Variants in MRPL42 observed in about 807,000 individuals in gnomAD.
MRPL42 encodes mitochondrial ribosomal protein L42, also known as large ribosomal subunit protein mL42.
A neutral mutation model predicts 17.9 loss-of-function variants in MRPL42; 17 were observed. The observed-to-expected ratio is 0.95, with a 90% CI of 0.65 to 1.42. MRPL42 has a LOEUF of 1.42. Ranked by LOEUF, MRPL42 falls within the 40% of genes most tolerant of loss-of-function variation. The pLI is 0.00. For synonymous variants in MRPL42, 59 were observed against 54.4 expected (o/e 1.08, Z -0.37); for missense variants, 177 against 175.2 (o/e 1.01, Z -0.06).
chr12:93,473,415 C>A (rs1880001852), intron 2 of MRPL42, among the ~76,000 whole-genome samples: 1 of 151,586 alleles, frequency 6.6e-6, no homozygotes, highest in African/African-American at 2.4e-5. Flanking sequence ...ATGTGTACTA[C>A]CATGTCTGGT....
intron 5 of MRPL42, chr12:93,488,523 A>C: frequency 2.8e-6 from 1 of 363,280 alleles, no homozygotes; most frequent in Non-Finnish European, 4.9e-6. Flanking sequence ...ACATTCTATG[A>C]TGTATTCATT....
intron 5 of MRPL42, 51 bp from the exon 6 acceptor site, chr12:93,501,125 G>C: frequency 7.3e-7 from 1 of 1,378,102 alleles, no homozygotes; most frequent in East Asian, 2.7e-5. Flanking sequence ...TTTTTATCAG[G>C]AATAATTTTT....
chr12:93,482,744 C>T (rs1880519322), intron 4 of MRPL42, among the ~76,000 whole-genome samples: 1 of 152,076 alleles, frequency 6.6e-6, no homozygotes, highest in Non-Finnish European at 1.5e-5. Flanking sequence ...CACCACCATG[C>T]CCAGCTAATT....
chr12:93,492,115 A>G (rs145911877), intron 5 of MRPL42, among the ~76,000 whole-genome samples: 12 of 152,226 alleles, frequency 7.9e-5, no homozygotes, highest in South Asian at 4.2e-4. Context: ...AACAGTTTCT[A>G]TTCCTTTGGG....
rs1208153048 is a variant in MRPL42, at chr12:93,515,421, T to A, written c.*14200T>A. ...ACTTGCTGTGTTGCCCAGGCTGGAG[T>A]GCAGTGGGGTGATCTCGGCTCACTG... is the stretch of plus-strand genomic sequence containing the variant. On this transcript the variant is annotated 3_prime_UTR_variant, in exon 6 of 6. Transcript: ENST00000549982. The A allele has an allele frequency of 2.0e-5, 3 of 148,868 alleles. No homozygotes were observed. Among genetic ancestry groups the A allele is most frequent in the Non-Finnish European group, 3.0e-5 (2 of 67,630 alleles). The allele number at this position is 148,868 out of a possible 1,614,324, so 9.2% of individuals were successfully genotyped here. A position where few individuals can be genotyped will look rare whatever the true frequency, so the allele number is the denominator to read the frequency against.
chr12:93,493,826 T>G (rs1297856083), intron 5 of MRPL42, among the ~76,000 whole-genome samples: 54 of 1,318 alleles, frequency 0.041, no homozygotes, highest in Non-Finnish European at 0.057. Context: ...CTAATGATTC[T>G]GTAGTACACA....
In MRPL42 at chr12:93,469,488, A is replaced by G. The variant is rs942841292; in HGVS notation, c.70+133A>G. On this transcript the variant is annotated intron_variant, in intron 2 of 5. Coordinates refer to ENST00000549982, the MANE Select transcript of MRPL42 (RefSeq NM_014050.4). ...AGCAATGGAAAGTGGGAGAAAACCT[A>G]AATGTCAGTCAGAAGGGGAATGGAT... 1.9e-5 allele frequency: 12 copies of G among 643,682 alleles called. No homozygotes were observed. The African/African-American group carries it at 2.0e-4, about 11-fold the overall frequency. 39.9% of individuals were successfully genotyped at this position (643,682 alleles called of 1,614,324 possible).
chr12:93,477,650 G>A (rs532514186), intron 3 of MRPL42, among the ~76,000 whole-genome samples: 1 of 152,116 alleles, frequency 6.6e-6, no homozygotes, highest in Non-Finnish European at 1.5e-5. Flanking sequence ...AGGCTGGAGA[G>A]CAGTGGTGTG....
chr12:93,467,524 G>T lies in MRPL42; in HGVS notation c.-125G>T, dbSNP rs1356537857. On this transcript the variant is annotated 5_prime_UTR_variant, in exon 1 of 6. Coordinates refer to ENST00000549982, the MANE Select transcript of MRPL42 (RefSeq NM_014050.4). ...TTTCGTGGGACCAGGATTGAAACAA[G>T]ATGGCGGGTTCGTGGTGAGAAGCCG... The T allele has an allele frequency of 1.3e-5, 2 of 152,742 alleles. No individual in the cohort carries two copies. The highest frequency in any genetic ancestry group is 2.9e-5 in the Non-Finnish European group (2 of 68,088). 9.5% of individuals were successfully genotyped at this position (152,742 alleles called of 1,614,324 possible). A position where few individuals can be genotyped will look rare whatever the true frequency, so the allele number is the denominator to read the frequency against.
chr12:93,472,539 T>C (rs752464058), intron 2 of MRPL42, among the ~76,000 whole-genome samples: 1 of 152,038 alleles, frequency 6.6e-6, no homozygotes, highest in Non-Finnish European at 1.5e-5. Flanking sequence ...GATTGTGCCA[T>C]TGTACTCCAG....
chr12:93,482,657 A>AG (rs1880515401), intron 4 of MRPL42, among the ~76,000 whole-genome samples: 1 of 152,130 alleles, frequency 6.6e-6, no homozygotes, highest in Non-Finnish European at 1.5e-5. Flanking sequence ...ACATGTTACT[A>AG]TTAGTAGAAT....
intron 2 of MRPL42, 91 bp from the exon 3 acceptor site, chr12:93,476,863 T>C: frequency 8.5e-7 from 1 of 1,173,896 alleles, no homozygotes; most frequent in South Asian, 1.2e-5. Context: ...TAAACAGTAA[T>C]GTTGGTTGAA....
intron 2 of MRPL42, among the ~76,000 whole-genome samples, chr12:93,474,742 T>G (rs1334326985): frequency 6.6e-6 from 1 of 152,180 alleles, no homozygotes; most frequent in East Asian, 1.9e-4. Flanking sequence ...TAAACTTCTT[T>G]TAATATTAAC....
rs989011143 is a variant in MRPL42, at chr12:93,477,004, G to T, written c.121G>T (p.Asp41Tyr). ...CHKSTYSPLPDDYNCNVELAL... is the reference protein window; with the variant it reads ...CHKSTYSPLPYDYNCNVELAL... ...TAAATCTACGTATTCTCCTCTACCA[G>T]ATGACTATAATTGGTATGTATTAAA... The change falls in exon 3 of 6, where the codon GAT becomes TAT. Residue 41 changes from aspartate (D) to tyrosine (Y), a missense_variant. By Grantham distance (160) the Asp-to-Tyr change is radical (BLOSUM62 -3). Coordinates refer to ENST00000549982, the MANE Select transcript of MRPL42 (RefSeq NM_014050.4). The T allele has an allele frequency of 3.8e-6, 6 of 1,596,338 alleles. No individual in the cohort carries two copies. The African/African-American group carries it at 8.1e-5, about 21-fold the overall frequency.
intron 2 of MRPL42, among the ~76,000 whole-genome samples, chr12:93,476,077 A>ATTTT (rs1282909485): frequency 6.6e-6 from 1 of 152,198 alleles, no homozygotes; most frequent in Non-Finnish European, 1.5e-5. Context: ...TTTAAAATGT[A>ATTTT]AGCATTTTGA....
chr12:93,474,481 C>T (rs981553435), intron 2 of MRPL42, among the ~76,000 whole-genome samples: 8 of 152,076 alleles, frequency 5.3e-5, no homozygotes, highest in African/African-American at 1.9e-4. Context: ...GTTGCCCAGG[C>T]TAGAATTCAG....
intron 4 of MRPL42, among the ~76,000 whole-genome samples, chr12:93,479,899 G>C (rs1437985205): frequency 2.1e-5 from 3 of 146,074 alleles, no homozygotes; most frequent in Non-Finnish European, 4.5e-5. Flanking sequence ...AACATTTGGT[G>C]AATTTCTTTA....
chr12:93,485,929 C>T (rs1320807107), intron 4 of MRPL42, among the ~76,000 whole-genome samples: 1 of 152,110 alleles, frequency 6.6e-6, no homozygotes, highest in Non-Finnish European at 1.5e-5. Flanking sequence ...GCCTCAGACC[C>T]CAAGTAGCTG....
intron 3 of MRPL42, 87 bp downstream of exon 3, chr12:93,477,104 CT>C: frequency 2.1e-6 from 2 of 951,350 alleles, no homozygotes; most frequent in Non-Finnish European, 3.1e-6. Flanking sequence ...ATGTCTGATG[CT>C]TTCTTTTCTC....
Sources: gnomAD v4.1 joint callset for allele counts (sites outside exome capture counted in the v4.1 genomes callset) on GRCh38, gnomAD v4.1.1 for gene constraint, MANE v1.5 for transcripts, NCBI Gene and HGNC (gene_info 2026-07-23, HGNC 2026-07-21) for gene names.